Variants in RABGAP1 observed in about 807,000 individuals in gnomAD.
The protein encoded by RABGAP1 is rab GTPase-activating protein 1.
In RABGAP1, 23 loss-of-function variants were observed where a neutral mutation model predicts 137.6. The ratio of observed to expected loss-of-function variants is 0.17; its 90% CI spans 0.12 to 0.24. The LOEUF (loss-of-function observed/expected upper bound fraction) is 0.24, where lower values mean the gene tolerates loss of function less well. RABGAP1 is among the 10% of genes least tolerant of loss of function. RABGAP1 has a pLI of 1.00. For missense variants in RABGAP1, 906 were observed against 1,275.8 expected (o/e 0.71, Z 4.42); for synonymous variants, 451 against 450.7 (o/e 1.00, Z -0.01).
intron 13 of RABGAP1, among the ~76,000 whole-genome samples, chr9:123,024,626 T>G (rs2031848825): frequency 6.6e-6 from 1 of 151,870 alleles, no homozygotes. Flanking sequence ...TTTTAGTAGA[T>G]ACTAAGTTTC....
intron 19 of RABGAP1, among the ~76,000 whole-genome samples, chr9:123,080,912 G>A (rs1488055700): frequency 4.6e-5 from 7 of 152,134 alleles, no homozygotes; most frequent in African/African-American, 9.7e-5. Context: ...CCACTTATAC[G>A]TGGATTTTTT....
At chr9:122,979,095 AC>A (rs1835917800) in intron 2 of RABGAP1, among the ~76,000 whole-genome samples, 1 of 151,800 alleles carries the variant, frequency 6.6e-6, no homozygotes, top group Admixed American at 6.6e-5. Context: ...TCGGGGTCTC[AC>A]CATGTTGCCC....
rs778405061 is a variant in RABGAP1, at chr9:123,020,297, C to T, written c.1644-12C>T. 2.0e-6 allele frequency: 3 copies of T among 1,515,494 alleles called. No individual in the cohort carries two copies. The highest frequency in any genetic ancestry group is 2.8e-5 in the African/African-American group (2 of 72,258). 93.9% of individuals were successfully genotyped at this position (1,515,494 alleles called of 1,614,324 possible). ...TCCTTTTATGATTTATGGTTTATGG[C>T]CTTATTTTTAGGCATCTCAACTTGA... On this transcript the variant is annotated splice_polypyrimidine_tract_variant and intron_variant, in intron 12 of 25. Transcript: ENST00000373647.
chr9:123,073,754 G>A (rs2034429417), intron 16 of RABGAP1, 77 bp downstream of exon 16: 1 of 1,575,892 alleles, frequency 6.3e-7, no homozygotes, highest in African/African-American at 1.4e-5. Flanking sequence ...AATGGTGCCA[G>A]GGAGCATTGG....
rs13289417 is a variant in RABGAP1, at chr9:123,087,708, A to G, written c.2425-2050A>G. Among the ~76,000 whole-genome samples the G allele has an allele frequency of 4.7e-3, 709 of 152,236 alleles. 5 individuals are homozygous for G. Among genetic ancestry groups the G allele is most frequent in the Non-Finnish European group, 7.8e-3 (530 of 68,004 alleles). On this transcript the variant is annotated intron_variant, in intron 19 of 25. Coordinates refer to ENST00000373647, the MANE Select transcript of RABGAP1 (RefSeq NM_012197.4). Reference sequence around the variant, plus strand: ...AGAATGCTGTCTTCCTGGCTGTCTAACCTTGGGCAGCAGCCAGACTCCAGG... The same window carrying G: ...AGAATGCTGTCTTCCTGGCTGTCTAGCCTTGGGCAGCAGCCAGACTCCAGG...
At chr9:123,080,787 G>A (rs886843241) in intron 19 of RABGAP1, among the ~76,000 whole-genome samples, 4 of 152,270 alleles carry the variant, frequency 2.6e-5, no homozygotes, top group African/African-American at 9.6e-5. Context: ...GGTAACTTTT[G>A]CTCTGCAACT....
intron 15 of RABGAP1, among the ~76,000 whole-genome samples, chr9:123,071,122 A>G (rs1295723779): frequency 1.3e-5 from 2 of 152,224 alleles, no homozygotes; most frequent in African/African-American, 4.8e-5. Flanking sequence ...TATCATAATC[A>G]TAATACCATG....
At chr9:122,974,582 A>G (rs1160864154) in intron 2 of RABGAP1, among the ~76,000 whole-genome samples, 1 of 152,066 alleles carries the variant, frequency 6.6e-6, no homozygotes, top group Admixed American at 6.6e-5. Context: ...GCCTGAGCCC[A>G]GGAGTTCTAG....
At chr9:123,014,917 A>C (rs1336941050) in intron 11 of RABGAP1, among the ~76,000 whole-genome samples, 1 of 152,012 alleles carries the variant, frequency 6.6e-6, no homozygotes, top group Non-Finnish European at 1.5e-5. Context: ...AAACCATCAG[A>C]TCTCATGAGA....
At chr9:123,035,482 C>G in intron 13 of RABGAP1, 1 of 1,614,046 alleles carries the variant, frequency 6.2e-7, no homozygotes, top group Non-Finnish European at 8.5e-7. Context: ...AATTTATAGT[C>G]TCTCCAACAG....
Position 123,020,467 on chromosome 9 carries a change from G to T in RABGAP1, c.1794+8G>T. Reference sequence around the variant, plus strand: ...CGCATTCTTATCACAAAGGTAAGGGGGTGATAATTCAGCTTCAGCATTAAT... The same window carrying T: ...CGCATTCTTATCACAAAGGTAAGGGTGTGATAATTCAGCTTCAGCATTAAT... On this transcript the variant is annotated splice_region_variant and intron_variant, in intron 13 of 25. Transcript: ENST00000373647. 1 of 1,546,760 alleles carries T rather than the reference G, an allele frequency of 6.5e-7. No individual in the cohort carries two copies. The highest frequency in any genetic ancestry group is 8.8e-7 in the Non-Finnish European group (1 of 1,141,932).
At chr9:123,100,008 G>A (rs926245228) in intron 24 of RABGAP1, among the ~76,000 whole-genome samples, 1 of 151,900 alleles carries the variant, frequency 6.6e-6, no homozygotes, top group Non-Finnish European at 1.5e-5. Context: ...TTTATTTTTA[G>A]AGACAGGGTC....
At chr9:123,073,509 C>T (rs1370398852) in intron 15 of RABGAP1, 43 bp from the exon 16 acceptor site, 1 of 1,577,208 alleles carries the variant, frequency 6.3e-7, no homozygotes, top group East Asian at 2.3e-5. Context: ...TGTGATTCCC[C>T]ACCGCCATCC....
intron 11 of RABGAP1, among the ~76,000 whole-genome samples, chr9:123,014,658 A>ATTTTTT (rs10560935): frequency 9.3e-6 from 1 of 107,270 alleles, no homozygotes; most frequent in Non-Finnish European, 1.9e-5. Flanking sequence ...AAGAGGTTTA[A>ATTTTTT]TTTTTTTTTT....
intron 13 of RABGAP1, among the ~76,000 whole-genome samples, chr9:123,057,559 A>G (rs2033780317): frequency 1.3e-5 from 2 of 148,174 alleles, no homozygotes; most frequent in Admixed American, 6.7e-5. Context: ...GACGCTCCTC[A>G]CTTTCCAGAC....
chr9:123,032,601 GTTGGATCACATGTTT>G (rs1481388539), intron 13 of RABGAP1, among the ~76,000 whole-genome samples: 2 of 152,222 alleles, frequency 1.3e-5, no homozygotes, highest in Non-Finnish European at 2.9e-5. Flanking sequence ...AAAAATGAAA[GTTGGATCACATGTTT>G]TTACTCAGTT....
At chr9:122,996,415 A>C (rs1837024874) in intron 7 of RABGAP1, 124 bp from the exon 8 acceptor site, 2 of 1,132,984 alleles carry the variant, frequency 1.8e-6, no homozygotes, top group Non-Finnish European at 2.5e-6. Context: ...AGCAACACAA[A>C]TTTATTGATA....
At chr9:122,943,691 C>G (rs559900085) in intron 1 of RABGAP1, among the ~76,000 whole-genome samples, 17 of 152,238 alleles carry the variant, frequency 1.1e-4, no homozygotes, top group Non-Finnish European at 2.2e-4. Flanking sequence ...CGGTGGCTCA[C>G]GCCTGTAATC....
rs769441032 is a variant in RABGAP1 at position 123,098,697 on chromosome 9, GT to G, written c.2734-11del. The stretch of plus-strand genomic sequence containing the variant: ...TTTTTCTGTTAACATAGTCCCTTTT[GT>G]TTTTTTATGTGTGCAGTTAAAAGAA... On this transcript the variant is annotated splice_polypyrimidine_tract_variant and intron_variant, in intron 22 of 25. Coordinates refer to ENST00000373647, the MANE Select transcript of RABGAP1 (RefSeq NM_012197.4). 6.2e-7 allele frequency: 1 copy of G among 1,604,886 alleles called. No homozygotes were observed. Among genetic ancestry groups the G allele is most frequent in the African/African-American group, 1.3e-5 (1 of 74,356 alleles).
Sources: gnomAD v4.1 joint callset for allele counts (sites outside exome capture counted in the v4.1 genomes callset) on GRCh38, gnomAD v4.1.1 for gene constraint, MANE v1.5 for transcripts, NCBI Gene and HGNC (gene_info 2026-07-23, HGNC 2026-07-21) for gene names.